Variants in DMD observed in about 807,000 individuals in gnomAD.
DMD encodes the protein dystrophin.
DMD carries 63 observed loss-of-function variants against 330.1 expected under a neutral mutation model. The ratio of observed to expected loss-of-function variants is 0.19; its 90% CI spans 0.16 to 0.24. The LOEUF is 0.24. Ranked by LOEUF, DMD falls within the 10% of genes least tolerant of loss-of-function variation. The pLI is 1.00. For missense variants in DMD, 3,344 were observed against 2,684.1 expected (o/e 1.25, Z -5.43); for synonymous variants, 1,223 against 959.8 (o/e 1.27, Z -5.07).
intron 7 of DMD, among the ~76,000 whole-genome samples, chrX:32,769,106 G>A (rs2148445959): frequency 8.9e-6 from 1 of 112,065 alleles, no homozygotes; most frequent in African/African-American, 3.2e-5. Flanking sequence ...CACAACAAAG[G>A]CAGAAAAATA....
chrX:32,665,317 A>G (rs182532514), intron 9 of DMD, among the ~76,000 whole-genome samples: 1 of 111,258 alleles, frequency 9.0e-6, no homozygotes, highest in East Asian at 2.8e-4. Context: ...TCTTTTCTGT[A>G]CCACTGAACC....
At chrX:31,152,538 CTTTTTT>C (rs11285738) in intron 74 of DMD, among the ~76,000 whole-genome samples, 1 of 97,060 alleles carries the variant, frequency 1.0e-5, no homozygotes, top group African/African-American at 3.8e-5. Flanking sequence ...ATTAATTCAT[CTTTTTT>C]TTTTTTTGAG....
intron 45 of DMD, among the ~76,000 whole-genome samples, chrX:31,940,581 CT>C (rs1360510278): frequency 5.4e-5 from 6 of 111,719 alleles, no homozygotes; most frequent in East Asian, 5.6e-4. Context: ...CTGGGCCCCC[CT>C]GATCCACCAT....
At chrX:32,479,877 G>T (rs1425851950) in intron 21 of DMD, among the ~76,000 whole-genome samples, 1 of 109,935 alleles carries the variant, frequency 9.1e-6, no homozygotes, top group Non-Finnish European at 1.9e-5. Context: ...AAATGGATAT[G>T]GCATGGGCAA....
chrX:32,862,973 G>A (rs1055759334), intron 2 of DMD, among the ~76,000 whole-genome samples: 1 of 110,291 alleles, frequency 9.1e-6, no homozygotes, highest in Non-Finnish European at 1.9e-5. Flanking sequence ...TCCTGACCTC[G>A]TGATCCACCT....
intron 1 of DMD, among the ~76,000 whole-genome samples, chrX:33,028,749 A>G (rs199859258): frequency 4.5e-5 from 5 of 112,068 alleles, no homozygotes; most frequent in Non-Finnish European, 9.4e-5. Flanking sequence ...AATTATGCAT[A>G]TGTGTTACAC....
In DMD at chrX:33,104,608, C is replaced by G. The variant is rs936790821; in HGVS notation, c.32-84408G>C. On this transcript the variant is annotated intron_variant, in intron 1 of 78. Coordinates refer to ENST00000357033, the MANE Select transcript of DMD (RefSeq NM_004006.3). ...CCCCACCCCTATCTCCCTTCGCTGA[C>G]TCTCTTTTCGGACTCAGCCCACCTG... Among the ~76,000 whole-genome samples, 3 of 110,308 alleles carry G rather than the reference C, an allele frequency of 2.7e-5. No individual in the cohort carries two copies. The Admixed American group carries it at 2.9e-4, about 11-fold the overall frequency.
intron 44 of DMD, among the ~76,000 whole-genome samples, chrX:32,155,929 CCA>C (rs1258597837): frequency 1.9e-5 from 2 of 106,318 alleles, no homozygotes; most frequent in Admixed American, 1.0e-4. Context: ...CTGAACAGCT[CCA>C]GAGGGTTAAT....
chrX:31,500,297 A>G (rs551648779), intron 56 of DMD, among the ~76,000 whole-genome samples: 1 of 112,373 alleles, frequency 8.9e-6, no homozygotes, highest in South Asian at 3.7e-4. Flanking sequence ...ACTTTCTATA[A>G]TTCTATCAAC....
rs192106010 is a variant in DMD, at chrX:31,965,965, A to C, written c.6614+2374T>G. 6.3e-5 allele frequency among the ~76,000 whole-genome samples: 7 copies of C among 111,694 alleles called. No homozygotes were observed. In the East Asian group the frequency reaches 1.4e-3, roughly 23 times the overall value. ...TTCTAATATCTTAAAATTTCAGAAG[A>C]CTTAAAGTTTTGCAACTACAGGGCT... On this transcript the variant is annotated intron_variant, in intron 45 of 78. Coordinates refer to ENST00000357033, the MANE Select transcript of DMD (RefSeq NM_004006.3).
At chrX:32,606,429 A>G (rs1157557881) in intron 12 of DMD, among the ~76,000 whole-genome samples, 2 of 109,877 alleles carry the variant, frequency 1.8e-5, no homozygotes, top group Non-Finnish European at 3.8e-5. Flanking sequence ...AAGGATGTGG[A>G]GAAAAGAAAA....
At chrX:33,214,759 T>A (rs138935553), upstream of DMD, among the ~76,000 whole-genome samples, 33 of 111,837 alleles carry the variant, frequency 3.0e-4, no homozygotes, top group East Asian at 7.1e-3. Context: ...GCTCAAGTGA[T>A]CCTCCTGCCT....
intron 30 of DMD, among the ~76,000 whole-genome samples, chrX:32,402,937 T>G (rs1015983499): frequency 3.6e-5 from 4 of 111,535 alleles, no homozygotes; most frequent in Non-Finnish European, 5.7e-5. Context: ...TTATTCACAT[T>G]TTAAATTTTA....
At chrX:33,008,913 TATGTATATATAC>T (rs199745042) in intron 2 of DMD, among the ~76,000 whole-genome samples, 3,218 of 86,030 alleles carry the variant, frequency 0.037, 135 homozygotes, top group East Asian at 0.23. Flanking sequence ...CATACTCATA[TATGTATATATAC>T]ATGTATATAT....
intron 29 of DMD, among the ~76,000 whole-genome samples, chrX:32,434,382 C>G (rs887486032): frequency 3.1e-4 from 35 of 111,434 alleles, no homozygotes; most frequent in African/African-American, 1.1e-3. Context: ...TGCACTCCAG[C>G]CTGGGCTTCA....
chrX:32,957,371 C>T (rs1008334473), intron 2 of DMD, among the ~76,000 whole-genome samples: 40 of 111,396 alleles, frequency 3.6e-4, no homozygotes, highest in African/African-American at 1.2e-3. Context: ...TGATAAACAG[C>T]AGGATGCAAA....
intron 7 of DMD, among the ~76,000 whole-genome samples, chrX:32,718,262 T>C (rs942150386): frequency 2.7e-5 from 3 of 111,096 alleles, no homozygotes; most frequent in Non-Finnish European, 5.7e-5. Flanking sequence ...GGTGACTGAA[T>C]CATAGGGGCA....
At chrX:31,225,863 G>A (rs1376579894) in intron 63 of DMD, among the ~76,000 whole-genome samples, 1 of 112,122 alleles carries the variant, frequency 8.9e-6, no homozygotes, top group Non-Finnish European at 1.9e-5. Context: ...AGACAGAACT[G>A]TGACTTCACT....
At chrX:31,142,234 G>C (rs892868302) in intron 76 of DMD, among the ~76,000 whole-genome samples, 3 of 111,655 alleles carry the variant, frequency 2.7e-5, no homozygotes, top group Admixed American at 1.9e-4. Flanking sequence ...GCTTATGCAA[G>C]AATATCTTTC....
Sources: gnomAD v4.1 joint callset for allele counts (sites outside exome capture counted in the v4.1 genomes callset) on GRCh38, gnomAD v4.1.1 for gene constraint, MANE v1.5 for transcripts, NCBI Gene and HGNC (gene_info 2026-07-23, HGNC 2026-07-21) for gene names.